The following KLF12 variants were observed in gnomAD, a reference collection of about 807,000 sequenced individuals.
KLF12 encodes Krueppel-like factor 12.
A neutral mutation model predicts 37.8 loss-of-function variants in KLF12; 9 were observed. The observed-to-expected ratio is 0.24, with a 90% CI of 0.14 to 0.42. The LOEUF (loss-of-function observed/expected upper bound fraction) is 0.42, where lower values mean the gene tolerates loss of function less well. Ranked by LOEUF, KLF12 falls within the 10% of genes least tolerant of loss-of-function variation. KLF12 has a pLI of 1.00. For synonymous variants in KLF12, 208 were observed against 202.1 expected (o/e 1.03, Z -0.25); for missense variants, 411 against 516.0 (o/e 0.80, Z 1.97).
chr13:73,893,369 C>CTT (rs71115621), intron 3 of KLF12, among the ~76,000 whole-genome samples: 676 of 50,598 alleles, frequency 0.013, 34 homozygotes, highest in African/African-American at 0.034. Flanking sequence ...ACAATATTGA[C>CTT]TTTTTTTTTT....
At position 74,122,432 on chromosome 13, in the gene KLF12, G is replaced by A. The variant is rs1877686705; in HGVS notation, c.-32+11307C>T. On this transcript the variant is annotated intron_variant, in intron 1 of 7. Transcript: ENST00000377669. The stretch of plus-strand genomic sequence containing the variant: ...AACTATTACTGATGGTGATTGGGGA[G>A]AGCGTATTTGCCTGCATTGCTGGTA... Among the ~76,000 whole-genome samples the A allele has an allele frequency of 5.3e-5, 8 of 152,182 alleles. No homozygotes were observed. The South Asian group carries it at 1.7e-3, about 32-fold the overall frequency.
intron 3 of KLF12, among the ~76,000 whole-genome samples, chr13:73,898,949 C>T (rs1887912982): frequency 6.6e-6 from 1 of 151,904 alleles, no homozygotes; most frequent in Admixed American, 6.6e-5. Context: ...CTGGCTTGTA[C>T]CCTACAAAAG....
At chr13:73,990,570 T>C (rs1440100843) in intron 2 of KLF12, among the ~76,000 whole-genome samples, 1 of 152,130 alleles carries the variant, frequency 6.6e-6, no homozygotes. Context: ...TTTAAAAGAA[T>C]AGTAAAACAA....
chr13:73,884,478 G>A (rs1887124678), intron 3 of KLF12, among the ~76,000 whole-genome samples: 1 of 152,130 alleles, frequency 6.6e-6, no homozygotes, highest in Non-Finnish European at 1.5e-5. Flanking sequence ...AGGAACACTG[G>A]ACCCAATGCC....
chr13:73,834,246 C>T (rs914637159), intron 4 of KLF12, among the ~76,000 whole-genome samples: 1 of 152,118 alleles, frequency 6.6e-6, no homozygotes, highest in East Asian at 1.9e-4. Context: ...TCTTACTATA[C>T]GTTACCCAAG....
rs73213081 is a variant in KLF12, at chr13:73,989,916, G to A, written c.33+5074C>T. 2.7e-3 allele frequency among the ~76,000 whole-genome samples: 417 copies of A among 151,876 alleles called. 3 individuals are homozygous for A. The highest frequency in any genetic ancestry group is 5.1e-3 in the Non-Finnish European group (346 of 67,930). ...AAAATTAAAATAATTACACATAAAA[G>A]TTTCTTTAAAAAAAAAGTTCAAGGC... is the stretch of plus-strand genomic sequence containing the variant. On this transcript the variant is annotated intron_variant, in intron 2 of 7. Coordinates refer to ENST00000377669, the MANE Select transcript of KLF12 (RefSeq NM_007249.5).
intron 2 of KLF12, among the ~76,000 whole-genome samples, chr13:73,975,111 TCTAA>T (rs1891472221): frequency 6.6e-6 from 1 of 152,224 alleles, no homozygotes; most frequent in Non-Finnish European, 1.5e-5. Context: ...CATCTAAAAA[TCTAA>T]CTAAATATTG....
At chr13:73,924,941 C>T (rs754604184) in intron 3 of KLF12, among the ~76,000 whole-genome samples, 13 of 152,176 alleles carry the variant, frequency 8.5e-5, no homozygotes, top group Non-Finnish European at 1.8e-4. Context: ...AAGGCCTAAT[C>T]CAGAGCAAGT....
chr13:74,232,451 A>T, the KLF12 span, among the ~76,000 whole-genome samples: 3 of 152,132 alleles, frequency 2.0e-5, no homozygotes, highest in African/African-American at 7.2e-5. Context: ...ATATGTTTGT[A>T]TTATTTCTTG....
chr13:73,751,947 C>A (rs1457477696), intron 6 of KLF12, among the ~76,000 whole-genome samples: 1 of 152,036 alleles, frequency 6.6e-6, no homozygotes, highest in Admixed American at 6.6e-5. Context: ...CACAGGCAGC[C>A]TTAGATACAT....
chr13:74,112,274 A>G (rs1327173232), intron 1 of KLF12, among the ~76,000 whole-genome samples: 3 of 151,218 alleles, frequency 2.0e-5, no homozygotes, highest in Non-Finnish European at 2.9e-5. Flanking sequence ...AGCCTAAAAT[A>G]TTACTGTCTG....
intron 2 of KLF12, among the ~76,000 whole-genome samples, chr13:73,947,424 G>A (rs1286200565): frequency 6.6e-6 from 1 of 152,098 alleles, no homozygotes; most frequent in African/African-American, 2.4e-5. Context: ...GCTGAGGTGG[G>A]CAGGTAACTT....
chr13:73,916,177 C>T (rs1372284573), intron 3 of KLF12, among the ~76,000 whole-genome samples: 4 of 151,236 alleles, frequency 2.6e-5, no homozygotes, highest in Non-Finnish European at 5.9e-5. Flanking sequence ...GGCAAATAAA[C>T]AGTACTCCAA....
chr13:74,197,869 G>A, the KLF12 span, among the ~76,000 whole-genome samples: 1 of 152,102 alleles, frequency 6.6e-6, no homozygotes, highest in Non-Finnish European at 1.5e-5. Context: ...CCTCCAGGAG[G>A]AGGGTGGATA....
At chr13:74,090,156 C>A (rs890442805) in intron 1 of KLF12, among the ~76,000 whole-genome samples, 10 of 151,152 alleles carry the variant, frequency 6.6e-5, no homozygotes, top group Non-Finnish European at 1.3e-4. Flanking sequence ...ATTGAACGAT[C>A]CAAAAACAAA....
At chr13:74,073,522 G>A (rs115697878) in intron 1 of KLF12, among the ~76,000 whole-genome samples, 3,961 of 152,234 alleles carry the variant, frequency 0.026, 176 homozygotes, top group African/African-American at 0.09. Context: ...GAGTTCAGCT[G>A]CACCAGCTGC....
At chr13:73,953,824 A>C (rs1890728524) in intron 2 of KLF12, among the ~76,000 whole-genome samples, 1 of 152,202 alleles carries the variant, frequency 6.6e-6, no homozygotes, top group Admixed American at 6.5e-5. Flanking sequence ...TATAGGAATA[A>C]TAAAAATCCA....
At chr13:74,132,550 T>C (rs1321476831) in intron 1 of KLF12, among the ~76,000 whole-genome samples, 1 of 152,216 alleles carries the variant, frequency 6.6e-6, no homozygotes, top group Non-Finnish European at 1.5e-5. Flanking sequence ...TTTAGCCATC[T>C]ATACAGTTAA....
intron 3 of KLF12, among the ~76,000 whole-genome samples, chr13:73,885,688 A>G (rs1887186703): frequency 6.6e-6 from 1 of 152,238 alleles, no homozygotes; most frequent in African/African-American, 2.4e-5. Context: ...CAAGGACCAC[A>G]AGCTATAAAT....
Sources: allele counts gnomAD v4.1 joint callset (sites outside exome capture counted in the v4.1 genomes callset), GRCh38; gene constraint gnomAD v4.1.1; transcripts MANE v1.5; gene names NCBI Gene and HGNC (gene_info 2026-07-23, HGNC 2026-07-21).